Variants in MAP3K13 observed in about 807,000 individuals in gnomAD.
MAP3K13 encodes the protein mitogen-activated protein kinase kinase kinase 13, also known as leucine zipper-bearing kinase.
Under a neutral mutation model 104.0 loss-of-function variants are expected in MAP3K13, and 52 were observed. That is an observed-to-expected ratio of 0.50 (90% CI 0.40 to 0.63). The LOEUF (loss-of-function observed/expected upper bound fraction) is 0.63, where lower values mean the gene tolerates loss of function less well. MAP3K13 is among the 20% of genes least tolerant of loss of function. The probability of loss-of-function intolerance (pLI) is 0.00; values close to 1 mark genes in which losing one functional copy is unlikely to be tolerated. For synonymous variants in MAP3K13, 394 were observed against 442.2 expected, an observed-to-expected ratio of 0.89 and a Z score of 1.37; for missense variants, 914 against 1,218.5, an observed-to-expected ratio of 0.75 and a Z score of 3.72.
chr3:185,383,720 T>C (rs1303460066), intron 1 of MAP3K13, among the ~76,000 whole-genome samples: 1 of 152,172 alleles, frequency 6.6e-6, no homozygotes, highest in Non-Finnish European at 1.5e-5. Context: ...AGCAGAATCA[T>C]GAATCAAATA....
At position 185,429,648 on chromosome 3, in the gene MAP3K13, T is replaced by A. The variant is rs565998140; in HGVS notation, c.475+592T>A. Among the ~76,000 whole-genome samples the A allele has an allele frequency of 2.0e-5, 3 of 152,104 alleles. No homozygotes were observed. In the South Asian group the frequency reaches 6.2e-4, roughly 32 times the overall value. On this transcript the variant is annotated intron_variant, in intron 2 of 13. Transcript: ENST00000265026. ...TAATTAATTAATGGATAAATAAAAA[T>A]AAATTTTAAAAAGTTTACTGATAAC...
chr3:185,360,358 A>G (rs951709915), upstream of MAP3K13, among the ~76,000 whole-genome samples: 1 of 152,238 alleles, frequency 6.6e-6, no homozygotes, highest in Non-Finnish European at 1.5e-5. Context: ...GGAATGCTCC[A>G]TAATCACAGC....
At chr3:185,383,479 G>C (rs566339694) in intron 1 of MAP3K13, among the ~76,000 whole-genome samples, 1 of 151,200 alleles carries the variant, frequency 6.6e-6, no homozygotes, top group Admixed American at 6.6e-5. Flanking sequence ...GGAGAATGGC[G>C]TGAACCCGGG....
At chr3:185,461,171 G>T (rs1162970082) in intron 7 of MAP3K13, among the ~76,000 whole-genome samples, 2 of 152,148 alleles carry the variant, frequency 1.3e-5, no homozygotes, top group East Asian at 1.9e-4. Context: ...TGCTGTCAAA[G>T]GCCCCTATCA....
chr3:185,312,473 G>A (rs1259064262), intron 2 of MAP3K13, among the ~76,000 whole-genome samples: 1 of 152,138 alleles, frequency 6.6e-6, no homozygotes. Context: ...ATGTTTTGAG[G>A]GGCAGGAAGG....
chr3:185,455,327 T>C (rs1432921976), intron 7 of MAP3K13, among the ~76,000 whole-genome samples: 6 of 54,676 alleles, frequency 1.1e-4, no homozygotes, highest in African/African-American at 2.7e-4. Flanking sequence ...ATGAGATATA[T>C]ATGATATATA....
At chr3:185,355,287 C>T (rs562279945) in intron 2 of MAP3K13, among the ~76,000 whole-genome samples, 6 of 151,816 alleles carry the variant, frequency 4.0e-5, no homozygotes, top group East Asian at 1.9e-4. Flanking sequence ...GCCAACATGG[C>T]GAAAACCCAT....
intron 4 of MAP3K13, among the ~76,000 whole-genome samples, chr3:185,444,729 A>G (rs1014795321): frequency 1.1e-4 from 16 of 152,238 alleles, no homozygotes; most frequent in Admixed American, 8.5e-4. Flanking sequence ...TTTATTATTT[A>G]TCATCACATT....
At chr3:185,455,192 A>ATATATATATGATATATATGAGC (rs1716406194) in intron 7 of MAP3K13, among the ~76,000 whole-genome samples, 1 of 98,914 alleles carries the variant, frequency 1.0e-5, no homozygotes, top group Non-Finnish European at 1.9e-5. Flanking sequence ...TATATATGAG[A>ATATATATATGATATATATGAGC]TATATATATG....
At chr3:185,335,396 A>T (rs1161590551) in intron 2 of MAP3K13, among the ~76,000 whole-genome samples, 2 of 152,294 alleles carry the variant, frequency 1.3e-5, no homozygotes, top group Non-Finnish European at 2.9e-5. Context: ...CTGCCCAAAG[A>T]GCTGTGATTA....
chr3:185,483,256 T>C lies in MAP3K13; in HGVS notation c.*800T>C, dbSNP rs549444040. On this transcript the variant is annotated 3_prime_UTR_variant, in exon 14 of 14. Transcript: ENST00000265026. ...AGTGAGGTTTACAGATAGTGTCAAA[T>C]CTTGTTTTTGGCAAATACGTCCCTT... The C allele has an allele frequency of 2.6e-5, 6 of 232,852 alleles. No homozygotes were observed. In the East Asian group the frequency reaches 3.6e-4, roughly 14 times the overall value. 14.4% of individuals were successfully genotyped at this position (232,852 alleles called of 1,614,324 possible). A position where few individuals can be genotyped will look rare whatever the true frequency, so the allele number is the denominator to read the frequency against.
At position 185,391,018 on chromosome 3, in the gene MAP3K13, A is replaced by G. The variant is rs1382135611; in HGVS notation, c.-86+27650A>G. ...ATAGCTGCCAGTTACTGCAATTTCA[A>G]TACTGAAGGCAGGATTTTGCCCTTT... On this transcript the variant is annotated intron_variant, in intron 1 of 13. Coordinates refer to ENST00000265026, the MANE Select transcript of MAP3K13 (RefSeq NM_004721.5). 2.0e-5 allele frequency among the ~76,000 whole-genome samples: 3 copies of G among 152,116 alleles called. No homozygotes were observed. In the East Asian group the frequency reaches 5.8e-4, roughly 29 times the overall value.
At chr3:185,443,663 T>A in intron 4 of MAP3K13, 27 bp downstream of exon 4, 1 of 1,596,614 alleles carries the variant, frequency 6.3e-7, no homozygotes, top group Non-Finnish European at 8.6e-7. Flanking sequence ...ATGTTTCAGC[T>A]ATTTTGGTTT....
intron 3 of MAP3K13, among the ~76,000 whole-genome samples, chr3:185,442,037 T>TC (rs1199688058): frequency 1.9e-5 from 2 of 103,374 alleles, no homozygotes; most frequent in Non-Finnish European, 2.1e-5. Flanking sequence ...CGACTCTGTC[T>TC]CAAAAAAAAA....
chr3:185,346,987 GTT>G (rs201877429), intron 2 of MAP3K13, among the ~76,000 whole-genome samples: 22 of 127,672 alleles, frequency 1.7e-4, no homozygotes, highest in South Asian at 2.6e-4. Flanking sequence ...CACAAAGGAA[GTT>G]TTTTTTTTTT....
In MAP3K13 at chr3:185,428,079, C is replaced by CA. The variant is rs112837150; in HGVS notation, c.-85-403dup. The stretch of plus-strand genomic sequence containing the variant: ...GGGCAACAAGAGCAAAACTCCGTCT[C>CA]AAAAAAAAAAAAAAAGATAATAGAT... On this transcript the variant is annotated intron_variant, in intron 1 of 13. Transcript: ENST00000265026. Among the ~76,000 whole-genome samples the CA allele has an allele frequency of 8.9e-3, 863 of 96,912 alleles. 6 individuals carry two copies. The highest frequency in any genetic ancestry group is 0.018 in the African/African-American group (499 of 28,042). The allele number at this position is 96,912 out of a possible 152,430, so 63.6% of individuals were successfully genotyped here.
Position 185,416,216 on chromosome 3 carries a change from C to T in MAP3K13, c.-85-12281C>T, listed in dbSNP as rs542600738. ...TATCAACCCGTTCCCCTCTTCTTAG[C>T]TCTCTTTTCTCATCTTATCACTTTC... On this transcript the variant is annotated intron_variant, in intron 1 of 13. Transcript: ENST00000265026. Among the ~76,000 whole-genome samples, 20 of 152,228 alleles carry T rather than the reference C, an allele frequency of 1.3e-4. 1 individual carries two copies. In the East Asian group the frequency reaches 3.9e-3, roughly 29 times the overall value.
At chr3:185,373,151 G>A (rs1415041125) in intron 1 of MAP3K13, among the ~76,000 whole-genome samples, 1 of 152,168 alleles carries the variant, frequency 6.6e-6, no homozygotes, top group Non-Finnish European at 1.5e-5. Flanking sequence ...GGTAGTGATA[G>A]CCAAGGATTT....
chr3:185,295,609 A>G (rs1720894231), intron 2 of MAP3K13, among the ~76,000 whole-genome samples: 1 of 152,118 alleles, frequency 6.6e-6, no homozygotes. Flanking sequence ...TCTCACTTTA[A>G]ATATTATTTT....
Sources: allele counts gnomAD v4.1 joint callset (sites outside exome capture counted in the v4.1 genomes callset), GRCh38; gene constraint gnomAD v4.1.1; transcripts MANE v1.5; gene names NCBI Gene and HGNC (gene_info 2026-07-23, HGNC 2026-07-21).